The following RRM1 variants were observed in gnomAD, a reference collection of about 807,000 sequenced individuals.
RRM1 encodes the protein ribonucleoside-diphosphate reductase large subunit.
RRM1 carries 19 observed loss-of-function variants against 101.5 expected under a neutral mutation model. That is an observed-to-expected ratio of 0.19 (90% CI 0.13 to 0.27). The LOEUF is 0.27. Among genes scored for constraint, RRM1 ranks in the 10% least tolerant of loss-of-function variants. The pLI is 1.00. For synonymous variants in RRM1, 298 were observed against 323.4 expected, an observed-to-expected ratio of 0.92 and a Z score of 0.84; for missense variants, 500 against 962.9, an observed-to-expected ratio of 0.52 and a Z score of 6.36.
chr11:4,119,993 A>T (rs1285271752), intron 9 of RRM1, 65 bp downstream of exon 9: 1 of 939,680 alleles, frequency 1.1e-6, no homozygotes, highest in Non-Finnish European at 1.7e-6. Flanking sequence ...TATACACTTA[A>T]GATGGTTCAT....
chr11:4,103,630 C>T (rs1046597765), intron 2 of RRM1, among the ~76,000 whole-genome samples: 1 of 152,022 alleles, frequency 6.6e-6, no homozygotes, highest in Non-Finnish European at 1.5e-5. Context: ...TGCTTGGGCT[C>T]AGGAGTTTGA....
rs78627050 is a variant in RRM1, at chr11:4,129,998, C to T, written c.1769+848C>T. On this transcript the variant is annotated intron_variant, in intron 15 of 18. Transcript: ENST00000300738. The stretch of plus-strand genomic sequence containing the variant: ...TGTCTGTCATCCTTTAGGTTTTCTT[C>T]CAAGAGTACACATACATGTGTATTT... Among the ~76,000 whole-genome samples, 1,313 of 143,870 alleles carry T rather than the reference C, an allele frequency of 9.1e-3. 9 individuals are homozygous for T. Among genetic ancestry groups the T allele is most frequent in the Middle Eastern group, 0.03 (8 of 266 alleles). 94.4% of individuals were successfully genotyped at this position (143,870 alleles called of 152,430 possible).
In RRM1 at chr11:4,129,500, A is replaced by C. The variant is rs189444134; in HGVS notation, c.1769+350A>C. On this transcript the variant is annotated intron_variant, in intron 15 of 18. Coordinates refer to ENST00000300738, the MANE Select transcript of RRM1 (RefSeq NM_001033.5). The stretch of plus-strand genomic sequence containing the variant: ...TTTTAAATGTTTTTCATTCTTATTT[A>C]TTTCCCAATTTAGTTACATCGGGCA... 1.3e-4 allele frequency among the ~76,000 whole-genome samples: 19 copies of C among 150,540 alleles called. No individual in the cohort carries two copies. The East Asian group carries it at 3.3e-3, about 26-fold the overall frequency.
chr11:4,110,646 G>A (rs1158959222), intron 5 of RRM1, among the ~76,000 whole-genome samples: 1 of 151,352 alleles, frequency 6.6e-6, no homozygotes, highest in Non-Finnish European at 1.5e-5. Context: ...GTGCATGCCT[G>A]TAATTCCAGC....
In RRM1 at chr11:4,138,699, C is replaced by A. The variant is rs1042927; in HGVS notation, c.*316C>A. ...GTGGTTAAGTAAGGTTTCATCACCC[C>A]TTTAGCACTGCTTTTCTGAAGACTT... On this transcript the variant is annotated 3_prime_UTR_variant, in exon 19 of 19. Coordinates refer to ENST00000300738, the MANE Select transcript of RRM1 (RefSeq NM_001033.5). 217,885 of 245,632 alleles carry A rather than the reference C, an allele frequency of 0.89. 97,056 individuals carry two copies. Among genetic ancestry groups the A allele is most frequent in the South Asian group, 0.93 (5,498 of 5,892 alleles). The allele number at this position is 245,632 out of a possible 1,614,324, so 15.2% of individuals were successfully genotyped here.
intron 16 of RRM1, among the ~76,000 whole-genome samples, chr11:4,133,291 C>T (rs1259076343): frequency 6.6e-6 from 1 of 152,154 alleles, no homozygotes; most frequent in East Asian, 1.9e-4. Context: ...ATTCTCATGC[C>T]TCAGCCTCCT....
At chr11:4,135,716 C>G (rs76707745) in intron 18 of RRM1, among the ~76,000 whole-genome samples, 2 of 152,108 alleles carry the variant, frequency 1.3e-5, no homozygotes, top group Admixed American at 6.6e-5. Flanking sequence ...TCAAAAACAT[C>G]CATTGTTTTC....
At chr11:4,130,654 C>A (rs1164492395) in intron 15 of RRM1, among the ~76,000 whole-genome samples, 13 of 152,066 alleles carry the variant, frequency 8.5e-5, no homozygotes. Context: ...CGAGATCATG[C>A]CACTGTACTC....
chr11:4,131,400 GT>G (rs1565190046), intron 15 of RRM1, among the ~76,000 whole-genome samples: 1 of 152,208 alleles, frequency 6.6e-6, no homozygotes, highest in East Asian at 1.9e-4. Flanking sequence ...TACAGACTCC[GT>G]CAGGATATGA....
chr11:4,114,028 A>G (rs775953464), intron 7 of RRM1, among the ~76,000 whole-genome samples: 1 of 152,110 alleles, frequency 6.6e-6, no homozygotes, highest in Admixed American at 6.6e-5. Flanking sequence ...CCAGCGACTC[A>G]GGAGGCTGAG....
At chr11:4,128,412 TA>T (rs1401740904) in intron 14 of RRM1, among the ~76,000 whole-genome samples, 2 of 152,270 alleles carry the variant, frequency 1.3e-5, no homozygotes, top group Admixed American at 6.5e-5. Context: ...GCACCTGGCG[TA>T]ATCTTCCTTT....
chr11:4,103,757 A>T (rs2133288829), intron 2 of RRM1, among the ~76,000 whole-genome samples: 1 of 147,314 alleles, frequency 6.8e-6, no homozygotes, highest in East Asian at 2.0e-4. Context: ...CTCAGCTGGG[A>T]TTACAGGCAT....
intron 1 of RRM1, chr11:4,099,332 G>A (rs1363497010): frequency 1.7e-5 from 1 of 57,192 alleles, no homozygotes; most frequent in African/African-American, 8.0e-5. Flanking sequence ...TAGTAGAGAT[G>A]GGGTTTCACC....
At chr11:4,117,224 C>T (rs150794358) in intron 7 of RRM1, among the ~76,000 whole-genome samples, 4 of 152,338 alleles carry the variant, frequency 2.6e-5, no homozygotes, top group Admixed American at 6.5e-5. Flanking sequence ...TGTCCATCCA[C>T]TTTGGAGAAT....
chr11:4,132,428 A>C lies in RRM1; in HGVS notation c.1905+7A>C. ...CTTGTCAGGAGAATTTCAGGTGAGC[A>C]GTTCACAACCAGCCTTACAGGGAGA... On this transcript the variant is annotated splice_region_variant and intron_variant, in intron 16 of 18. Coordinates refer to ENST00000300738, the MANE Select transcript of RRM1 (RefSeq NM_001033.5). This position sits in a 1 kb window ranked among gnomAD's most constrained non-coding sequence, Gnocchi z 4.1. 6.2e-7 allele frequency: 1 copy of C among 1,614,044 alleles called. No homozygotes were observed. Among genetic ancestry groups the C allele is most frequent in the Non-Finnish European group, 8.5e-7 (1 of 1,179,976 alleles).
chr11:4,101,557 A>ACCCGCC (rs200112921), intron 1 of RRM1, among the ~76,000 whole-genome samples: 3 of 43,630 alleles, frequency 6.9e-5, no homozygotes, highest in African/African-American at 1.4e-4. Context: ...CCAGTGATCC[A>ACCCGCC]CACCCCCCCC....
At chr11:4,115,896 G>C (rs1421172740) in intron 7 of RRM1, among the ~76,000 whole-genome samples, 5 of 152,202 alleles carry the variant, frequency 3.3e-5, no homozygotes, top group Non-Finnish European at 1.5e-5. Context: ...TATATAATAT[G>C]ACCTCAGAGC....
At chr11:4,125,527 C>T (rs1420631575) in intron 12 of RRM1, among the ~76,000 whole-genome samples, 4 of 152,166 alleles carry the variant, frequency 2.6e-5, no homozygotes, top group African/African-American at 9.7e-5. Context: ...GTTACTTTCC[C>T]CTTTGTTCAC....
chr11:4,113,316 T>C (rs1183872777), intron 7 of RRM1, among the ~76,000 whole-genome samples: 3 of 152,138 alleles, frequency 2.0e-5, no homozygotes, highest in African/African-American at 7.2e-5. Context: ...AAAACCTAGA[T>C]GTATCGTCTC....
Sources: gnomAD v4.1 joint callset for allele counts (sites outside exome capture counted in the v4.1 genomes callset) on GRCh38, gnomAD v4.1.1 for gene constraint, Gnocchi (gnomAD v3.1) non-coding constraint, MANE v1.5 for transcripts, NCBI Gene and HGNC (gene_info 2026-07-23, HGNC 2026-07-21) for gene names.